CADM2: variants seen among roughly 807,000 people sequenced by gnomAD.
CADM2 encodes immunoglobulin superfamily member 4D.
CADM2 carries 12 observed loss-of-function variants against 49.8 expected under a neutral mutation model. The observed-to-expected ratio is 0.24, with a 90% CI of 0.15 to 0.39. The LOEUF (loss-of-function observed/expected upper bound fraction) is 0.39. Ranked by LOEUF, CADM2 falls within the 10% of genes least tolerant of loss-of-function variation. The pLI is 1.00. For synonymous variants in CADM2, 214 were observed against 175.4 expected (o/e 1.22, Z -1.74); for missense variants, 378 against 492.3 (o/e 0.77, Z 2.20).
intron 8 of CADM2, among the ~76,000 whole-genome samples, chr3:85,981,781 T>G (rs1373926149): frequency 1.3e-5 from 2 of 151,752 alleles, no homozygotes; most frequent in Admixed American, 1.3e-4. Flanking sequence ...GTTGATTCCA[T>G]GTCTTTGATA....
intron 1 of CADM2, among the ~76,000 whole-genome samples, chr3:85,091,695 T>G (rs1488306524): frequency 6.6e-6 from 1 of 152,102 alleles, no homozygotes; most frequent in Non-Finnish European, 1.5e-5. Context: ...AACTTAAAAA[T>G]CAAACTATTT....
intron 1 of CADM2, among the ~76,000 whole-genome samples, chr3:85,090,919 A>C (rs1331997417): frequency 6.6e-6 from 1 of 152,220 alleles, no homozygotes; most frequent in Admixed American, 6.5e-5. Context: ...ATCTTCCACG[A>C]AACTGGTTCG....
intron 1 of CADM2, among the ~76,000 whole-genome samples, chr3:85,568,193 CGTTCTTAGA>C (rs1458810310): frequency 6.6e-6 from 1 of 152,150 alleles, no homozygotes; most frequent in Non-Finnish European, 1.5e-5. Flanking sequence ...GCAGAACCTG[CGTTCTTAGA>C]GTTCACTACT....
chr3:85,427,200 A>G (rs189772154), intron 1 of CADM2, among the ~76,000 whole-genome samples: 3 of 126,612 alleles, frequency 2.4e-5, no homozygotes, highest in Non-Finnish European at 3.4e-5. Context: ...ATATATATAT[A>G]TGTATAATAA....
intron 6 of CADM2, among the ~76,000 whole-genome samples, chr3:85,915,353 G>T (rs1171294999): frequency 6.6e-6 from 1 of 152,048 alleles, no homozygotes; most frequent in Non-Finnish European, 1.5e-5. Flanking sequence ...GCAGAAACCA[G>T]ATCTATTTAA....
chr3:85,097,263 C>T (rs2037835104), intron 1 of CADM2, among the ~76,000 whole-genome samples: 1 of 151,956 alleles, frequency 6.6e-6, no homozygotes, highest in African/African-American at 2.4e-5. Flanking sequence ...GGTTTTTTGT[C>T]CTTGTGATAG....
Position 85,202,872 on chromosome 3 carries a change from T to C in CADM2, c.61+243204T>C, listed in dbSNP as rs114698686. Among the ~76,000 whole-genome samples, 683 of 152,330 alleles carry C rather than the reference T, an allele frequency of 4.5e-3. 1 individual carries two copies. The highest frequency in any genetic ancestry group is 0.017 in the Middle Eastern group (5 of 294). The stretch of plus-strand genomic sequence containing the variant: ...TTAGCTAAATCTTCTGTATAACTTC[T>C]TGTAGCTTCTACACCAGCATTGGCT... On this transcript the variant is annotated intron_variant, in intron 1 of 9. Transcript: ENST00000383699.
At chr3:85,181,989 T>A (rs2040947191) in intron 1 of CADM2, among the ~76,000 whole-genome samples, 1 of 149,820 alleles carries the variant, frequency 6.7e-6, no homozygotes, top group African/African-American at 2.4e-5. Context: ...ATTTTATATA[T>A]TAAATCACAT....
chr3:86,013,596 G>T, intron 8 of CADM2: 1 of 1,600,240 alleles, frequency 6.2e-7, no homozygotes, highest in Non-Finnish European at 8.5e-7. Context: ...AACTCTCAGG[G>T]AAGAGAGAGA....
chr3:85,210,923 T>G (rs1480868403), intron 1 of CADM2, among the ~76,000 whole-genome samples: 1 of 152,196 alleles, frequency 6.6e-6, no homozygotes, highest in Non-Finnish European at 1.5e-5. Context: ...TGGGCTTTTT[T>G]GCTGAGAGAC....
intron 1 of CADM2, among the ~76,000 whole-genome samples, chr3:85,299,493 C>T (rs1197872927): frequency 6.6e-6 from 1 of 151,944 alleles, no homozygotes; most frequent in African/African-American, 2.4e-5. Flanking sequence ...ATATTTTGGA[C>T]ATAAGAAAAT....
At chr3:85,132,023 G>A (rs1345748288) in intron 1 of CADM2, among the ~76,000 whole-genome samples, 1 of 152,114 alleles carries the variant, frequency 6.6e-6, no homozygotes, top group Non-Finnish European at 1.5e-5. Context: ...AAAATAATAT[G>A]GAAAATATGT....
In CADM2 at chr3:85,135,990, G is replaced by C. The variant is rs141089186; in HGVS notation, c.61+176322G>C. ...TTATAGCAATCTACAAATCTCGCTT[G>C]AATATGTAGGTGTCATTTATCTATT... is the stretch of plus-strand genomic sequence containing the variant. On this transcript the variant is annotated intron_variant, in intron 1 of 9. Coordinates refer to ENST00000383699, the MANE Select transcript of CADM2 (RefSeq NM_001167675.2). Among the ~76,000 whole-genome samples, 500 of 152,094 alleles carry C rather than the reference G, an allele frequency of 3.3e-3. 4 individuals carry two copies. Among genetic ancestry groups the C allele is most frequent in the Admixed American group, 7.5e-3 (115 of 15,288 alleles).
chr3:85,891,014 G>A (rs1437220961), intron 5 of CADM2, among the ~76,000 whole-genome samples: 1 of 152,136 alleles, frequency 6.6e-6, no homozygotes, highest in Non-Finnish European at 1.5e-5. Flanking sequence ...ATAGGCAATA[G>A]TGAGACTTTT....
At chr3:85,760,218 A>T (rs2069307086) in intron 2 of CADM2, among the ~76,000 whole-genome samples, 1 of 152,168 alleles carries the variant, frequency 6.6e-6, no homozygotes, top group Non-Finnish European at 1.5e-5. Flanking sequence ...AAAATGTTCA[A>T]ATCAATGTAC....
intron 3 of CADM2, among the ~76,000 whole-genome samples, chr3:85,860,084 G>T (rs566385720): frequency 6.6e-6 from 1 of 152,038 alleles, no homozygotes; most frequent in Non-Finnish European, 1.5e-5. Context: ...TTGTGAGCCT[G>T]TGACATCTAT....
intron 8 of CADM2, among the ~76,000 whole-genome samples, chr3:85,981,824 CGTGT>C (rs1727522312): frequency 1.3e-5 from 2 of 151,736 alleles, no homozygotes; most frequent in South Asian, 4.1e-4. Flanking sequence ...CATATGTGTG[CGTGT>C]GTCTTTATGG....
intron 1 of CADM2, among the ~76,000 whole-genome samples, chr3:85,593,917 T>A (rs1399634546): frequency 2.6e-5 from 4 of 151,960 alleles, no homozygotes; most frequent in Non-Finnish European, 5.9e-5. Context: ...TTTATTTCTG[T>A]TAATCATTAG....
At chr3:85,528,301 A>G (rs927535892) in intron 1 of CADM2, among the ~76,000 whole-genome samples, 2 of 147,488 alleles carry the variant, frequency 1.4e-5, no homozygotes, top group Non-Finnish European at 3.0e-5. Flanking sequence ...AAGAGTAACA[A>G]TGGGAGAAAC....
Sources: gnomAD v4.1 joint callset for allele counts (sites outside exome capture counted in the v4.1 genomes callset) on GRCh38, gnomAD v4.1.1 for gene constraint, MANE v1.5 for transcripts, NCBI Gene and HGNC (gene_info 2026-07-23, HGNC 2026-07-21) for gene names.